Variants in FBXW7 observed in about 807,000 individuals in gnomAD.
FBXW7 encodes the protein F-box/WD repeat-containing protein 7.
A neutral mutation model predicts 86.3 loss-of-function variants in FBXW7; 11 were observed. That is an observed-to-expected ratio of 0.13 (90% confidence interval 0.08 to 0.21). The LOEUF (loss-of-function observed/expected upper bound fraction) is 0.21. Among genes scored for constraint, FBXW7 ranks in the 10% least tolerant of loss-of-function variants. The pLI is 1.00. For synonymous variants in FBXW7, 313 were observed against 297.9 expected (o/e 1.05, Z -0.52); for missense variants, 488 against 847.4 (o/e 0.58, Z 5.27).
rs1365249838 is a variant in FBXW7, at chr4:152,481,938, C to T, written c.-120+53003G>A. Reference sequence around the variant, plus strand: ...TAATAACAAAGGATTTACAATATTACATACTTAGTTGACAAAGCAGCAGCA... The same window carrying T: ...TAATAACAAAGGATTTACAATATTATATACTTAGTTGACAAAGCAGCAGCA... On this transcript the variant is annotated intron_variant, in intron 2 of 13. Transcript: ENST00000281708. 2.0e-5 allele frequency among the ~76,000 whole-genome samples: 3 copies of T among 152,292 alleles called. No homozygotes were observed. In the East Asian group the frequency reaches 5.8e-4, roughly 29 times the overall value.
At chr4:152,366,521 C>T (rs1430400297) in intron 4 of FBXW7, among the ~76,000 whole-genome samples, 1 of 151,992 alleles carries the variant, frequency 6.6e-6, no homozygotes. Context: ...TCTGAGTTGC[C>T]AAAAGTGTTG....
At chr4:152,332,234 A>G (rs1729630563) in intron 8 of FBXW7, among the ~76,000 whole-genome samples, 1 of 152,266 alleles carries the variant, frequency 6.6e-6, no homozygotes, top group South Asian at 2.1e-4. Flanking sequence ...CCCACCTTGA[A>G]GAAATGTCTG....
intron 2 of FBXW7, among the ~76,000 whole-genome samples, chr4:152,454,722 C>G (rs1465830785): frequency 1.3e-5 from 2 of 152,000 alleles, no homozygotes; most frequent in Admixed American, 1.3e-4. Flanking sequence ...TATATATCCT[C>G]CTTCCAAAAA....
intron 2 of FBXW7, among the ~76,000 whole-genome samples, chr4:152,463,578 AAGAC>A (rs747305326): frequency 6.0e-4 from 91 of 152,330 alleles, no homozygotes; most frequent in Non-Finnish European, 1.1e-3. Context: ...AAGAAAAAAA[AAGAC>A]AGATAAGGAG....
intron 4 of FBXW7, among the ~76,000 whole-genome samples, chr4:152,401,378 G>C (rs1023316464): frequency 6.6e-6 from 1 of 152,182 alleles, no homozygotes; most frequent in African/African-American, 2.4e-5. Flanking sequence ...GAGCTATCAA[G>C]CTATAAATAT....
intron 2 of FBXW7, among the ~76,000 whole-genome samples, chr4:152,497,712 C>A (rs974933744): frequency 6.6e-6 from 1 of 152,060 alleles, no homozygotes; most frequent in African/African-American, 2.4e-5. Context: ...GGACTGGACT[C>A]GGCAATACTT....
intron 7 of FBXW7, among the ~76,000 whole-genome samples, chr4:152,333,633 CAT>C (rs1729783780): frequency 6.6e-6 from 1 of 152,050 alleles, no homozygotes; most frequent in African/African-American, 2.4e-5. Context: ...CAAGAACTAA[CAT>C]AAATTATCCG....
intron 2 of FBXW7, among the ~76,000 whole-genome samples, chr4:152,474,327 C>T (rs1222680575): frequency 6.6e-6 from 1 of 152,176 alleles, no homozygotes; most frequent in African/African-American, 2.4e-5. Context: ...AGTTTTAAAT[C>T]TAGCATGTTT....
intron 13 of FBXW7, chr4:152,323,809 G>GA (rs1238301436): frequency 5.5e-6 from 1 of 182,620 alleles, no homozygotes; most frequent in Non-Finnish European, 1.2e-5. Flanking sequence ...GGATGCTGTT[G>GA]TTTTTTTCAA....
intron 2 of FBXW7, among the ~76,000 whole-genome samples, chr4:152,464,945 T>G (rs1402607154): frequency 6.6e-6 from 1 of 152,234 alleles, no homozygotes; most frequent in East Asian, 1.9e-4. Flanking sequence ...AAAAACAGTA[T>G]TGGCAATTAG....
In FBXW7 at chr4:152,342,065, T is replaced by C. The variant is rs574721970; in HGVS notation, c.727-4129A>G. ...TCTCAGAAAAGAGAAAAAAAAAAAG[T>C]ACTTCCTTTGGCCTTTCATGGTAGC... On this transcript the variant is annotated intron_variant, in intron 6 of 13. Transcript: ENST00000281708. Among the ~76,000 whole-genome samples, 311 of 152,124 alleles carry C rather than the reference T, an allele frequency of 2.0e-3. 1 individual carries two copies. Among genetic ancestry groups the C allele is most frequent in the Non-Finnish European group, 4.0e-3 (272 of 67,972 alleles).
At chr4:152,515,355 G>A (rs1748384090) in intron 2 of FBXW7, among the ~76,000 whole-genome samples, 1 of 152,204 alleles carries the variant, frequency 6.6e-6, no homozygotes. Context: ...TAACTGTGAA[G>A]GGGCATGAGG....
At chr4:152,495,883 A>G (rs948716865) in intron 2 of FBXW7, among the ~76,000 whole-genome samples, 3 of 152,266 alleles carry the variant, frequency 2.0e-5, no homozygotes, top group Non-Finnish European at 2.9e-5. Flanking sequence ...TATCATTAGA[A>G]GTAAGAGTTT....
chr4:152,427,170 C>G (rs1270498108), intron 2 of FBXW7, among the ~76,000 whole-genome samples: 1 of 152,008 alleles, frequency 6.6e-6, no homozygotes, highest in African/African-American at 2.4e-5. Context: ...GAGGCCATAC[C>G]AAGTAGAAAT....
chr4:152,520,439 CAA>C (rs58890384), intron 2 of FBXW7, among the ~76,000 whole-genome samples: 27 of 60,456 alleles, frequency 4.5e-4, no homozygotes, highest in African/African-American at 2.4e-4. Flanking sequence ...GACTCCGTCT[CAA>C]AAAAAAAAAA....
At chr4:152,383,231 G>A (rs761723227) in intron 4 of FBXW7, among the ~76,000 whole-genome samples, 3 of 152,070 alleles carry the variant, frequency 2.0e-5, no homozygotes, top group Non-Finnish European at 4.4e-5. Flanking sequence ...AGAGTAACTA[G>A]CCAGTCCATT....
intron 2 of FBXW7, among the ~76,000 whole-genome samples, chr4:152,503,032 G>T (rs116203159): frequency 1.8e-3 from 277 of 152,064 alleles, no homozygotes; most frequent in African/African-American, 6.5e-3. Flanking sequence ...CCAAAAGAAA[G>T]AAAATCACAT....
chr4:152,445,409 T>C (rs1398277044), intron 2 of FBXW7, among the ~76,000 whole-genome samples: 1 of 152,204 alleles, frequency 6.6e-6, no homozygotes, highest in Admixed American at 6.5e-5. Flanking sequence ...ATTTGCATTA[T>C]ACTTATCAGA....
chr4:152,466,709 G>A (rs945155349), intron 2 of FBXW7, among the ~76,000 whole-genome samples: 1 of 152,270 alleles, frequency 6.6e-6, no homozygotes, highest in South Asian at 2.1e-4. Flanking sequence ...TTGGGAGGCC[G>A]AGGTGGGCGG....
Sources: gnomAD v4.1 joint callset for allele counts (sites outside exome capture counted in the v4.1 genomes callset) on GRCh38, gnomAD v4.1.1 for gene constraint, MANE v1.5 for transcripts, NCBI Gene and HGNC (gene_info 2026-07-23, HGNC 2026-07-21) for gene names.